Variants in AKIRIN1 observed in about 807,000 individuals in gnomAD.
The protein encoded by AKIRIN1 is akirin 1.
Under a neutral mutation model 25.9 loss-of-function variants are expected in AKIRIN1, and 4 were observed. The observed-to-expected ratio is 0.15, with a 90% CI of 0.08 to 0.35. The LOEUF (loss-of-function observed/expected upper bound fraction) is 0.35. Among genes scored for constraint, AKIRIN1 ranks in the 10% least tolerant of loss-of-function variants. The pLI is 1.00. For missense variants in AKIRIN1, 243 were observed against 266.1 expected, an observed-to-expected ratio of 0.91 and a Z score of 0.61; for synonymous variants, 125 against 105.1, an observed-to-expected ratio of 1.19 and a Z score of -1.16.
chr1:38,992,238 A>G (rs114041894), intron 1 of AKIRIN1, among the ~76,000 whole-genome samples: 3,878 of 152,270 alleles, frequency 0.025, 91 homozygotes, highest in South Asian at 0.047. Flanking sequence ...TGAGAATCCT[A>G]CGACATACGG....
intron 1 of AKIRIN1, among the ~76,000 whole-genome samples, chr1:38,997,184 T>C (rs550229572): frequency 2.0e-5 from 3 of 152,138 alleles, no homozygotes; most frequent in African/African-American, 7.2e-5. Context: ...CAGGTATCTC[T>C]TTTTTTAAAT....
chr1:39,004,502 G>C lies in AKIRIN1; in HGVS notation c.*447G>C, dbSNP rs1487681427. On this transcript the variant is annotated 3_prime_UTR_variant, in exon 5 of 5. Coordinates refer to ENST00000432648, the MANE Select transcript of AKIRIN1 (RefSeq NM_024595.3). ...TGTGAATTTGGTGCACGACAATTATGGTAAAAAAACATTTGCTTGGTCTAA... is the reference window on the plus strand; with the variant it reads ...TGTGAATTTGGTGCACGACAATTATCGTAAAAAAACATTTGCTTGGTCTAA... 7.4e-6 allele frequency: 2 copies of C among 268,862 alleles called. No individual in the cohort carries two copies. Among genetic ancestry groups the C allele is most frequent in the East Asian group, 2.1e-4 (2 of 9,666 alleles). The allele number at this position is 268,862 out of a possible 1,614,324, so 16.7% of individuals were successfully genotyped here.
chr1:39,002,976 G>T (rs575846394), intron 3 of AKIRIN1, among the ~76,000 whole-genome samples: 1 of 152,320 alleles, frequency 6.6e-6, no homozygotes, highest in East Asian at 1.9e-4. Flanking sequence ...CTCAATGTGT[G>T]TTGAAATTTA....
Position 38,998,251 on chromosome 1 carries a change from G to A in AKIRIN1, c.301G>A (p.Glu101Lys), listed in dbSNP as rs1401452798. ...RHLEVVLNQS[E>K]ACASESQPHS... ...TTTAGAAGTTGTTCTTAATCAGAGT[G>A]AAGCTTGTGCTTCGGAAAGTCAACC... The change falls in exon 2 of 5, where the codon GAA becomes AAA. Residue 101 changes from glutamate to lysine, a missense_variant. Glu to Lys is a moderately conservative substitution (Grantham distance 56). Around this residue, in one of 3 missense-constraint regions of AKIRIN1, gnomAD observed 190 missense variants for 174.4 expected, o/e 1.09. Coordinates refer to ENST00000432648, the MANE Select transcript of AKIRIN1 (RefSeq NM_024595.3). 2 of 1,614,040 alleles carry A rather than the reference G, an allele frequency of 1.2e-6. No individual in the cohort carries two copies. The highest frequency in any genetic ancestry group is 2.2e-5 in the South Asian group (2 of 91,062).
chr1:38,996,051 A>C (rs771908532), intron 1 of AKIRIN1, among the ~76,000 whole-genome samples: 1 of 152,116 alleles, frequency 6.6e-6, no homozygotes, highest in Non-Finnish European at 1.5e-5. Context: ...AGTGAGGTGA[A>C]AACTTAATAA....
intron 2 of AKIRIN1, among the ~76,000 whole-genome samples, chr1:39,000,593 G>A (rs1050821620): frequency 6.6e-6 from 1 of 150,848 alleles, no homozygotes; most frequent in Admixed American, 6.6e-5. Flanking sequence ...CAGGTGATCC[G>A]CCCACCTCGA....
At position 38,993,408 on chromosome 1, in the gene AKIRIN1, A is replaced by G. The variant is rs562935521; in HGVS notation, c.220+1808A>G. On this transcript the variant is annotated intron_variant, in intron 1 of 4. Transcript: ENST00000432648. ...TAGCCGGGCGAGGTTGCGTTGAGCCAAGATCGCGCCACTGCACTCCAGCCT... is the reference window on the plus strand; with the variant it reads ...TAGCCGGGCGAGGTTGCGTTGAGCCGAGATCGCGCCACTGCACTCCAGCCT... Among the ~76,000 whole-genome samples the G allele has an allele frequency of 1.8e-4, 28 of 152,062 alleles. No homozygotes were observed. The East Asian group carries it at 4.3e-3, about 23-fold the overall frequency.
rs558210569 is a variant in AKIRIN1, at chr1:39,004,554, T to C, written c.*499T>C. The stretch of plus-strand genomic sequence containing the variant: ...GAAGATCATTAATGTTTTGTGACCA[T>C]ACAAGTTGTAACAGTGGATTGTTTT... On this transcript the variant is annotated 3_prime_UTR_variant, in exon 5 of 5. Transcript: ENST00000432648. 7 of 230,110 alleles carry C rather than the reference T, an allele frequency of 3.0e-5. No individual in the cohort carries two copies. The South Asian group carries it at 3.7e-4, about 12-fold the overall frequency. The allele number at this position is 230,110 out of a possible 1,614,324, so 14.3% of individuals were successfully genotyped here. A position where few individuals can be genotyped will look rare whatever the true frequency, so the allele number is the denominator to read the frequency against.
chr1:38,993,793 G>A (rs1016672359), intron 1 of AKIRIN1, among the ~76,000 whole-genome samples: 3 of 151,794 alleles, frequency 2.0e-5, no homozygotes, highest in African/African-American at 2.4e-5. Flanking sequence ...TTCTAAGGCC[G>A]GGCGCAGTGG....
At chr1:38,993,416 G>A (rs868522041) in intron 1 of AKIRIN1, among the ~76,000 whole-genome samples, 1 of 151,488 alleles carries the variant, frequency 6.6e-6, no homozygotes, top group Middle Eastern at 3.2e-3. Flanking sequence ...CCAAGATCGC[G>A]CCACTGCACT....
rs1644016718 is a variant in AKIRIN1, at chr1:39,004,283, T to C, written c.*228T>C. On this transcript the variant is annotated 3_prime_UTR_variant, in exon 5 of 5. Coordinates refer to ENST00000432648, the MANE Select transcript of AKIRIN1 (RefSeq NM_024595.3). ...AATAAACAGCTGTGCCCTACTGTGA[T>C]AGATTTTCCAAACAAAAATACCTGG... The C allele has an allele frequency of 3.0e-6, 2 of 676,622 alleles. No homozygotes were observed. Among genetic ancestry groups the C allele is most frequent in the Admixed American group, 2.2e-5 (1 of 46,202 alleles). The allele number at this position is 676,622 out of a possible 1,614,324, so 41.9% of individuals were successfully genotyped here. A position where few individuals can be genotyped will look rare whatever the true frequency, so the allele number is the denominator to read the frequency against.
intron 1 of AKIRIN1, among the ~76,000 whole-genome samples, chr1:38,997,183 C>CT (rs537823656): frequency 6.6e-6 from 1 of 151,814 alleles, no homozygotes; most frequent in Non-Finnish European, 1.5e-5. Flanking sequence ...ACAGGTATCT[C>CT]TTTTTTTAAA....
intron 3 of AKIRIN1, among the ~76,000 whole-genome samples, chr1:39,002,424 A>C (rs1212054317): frequency 6.6e-6 from 1 of 152,164 alleles, no homozygotes; most frequent in Non-Finnish European, 1.5e-5. Context: ...TGATCCTTTA[A>C]TATGTATTAT....
intron 3 of AKIRIN1, among the ~76,000 whole-genome samples, chr1:39,001,774 T>A (rs554793474): frequency 6.6e-6 from 1 of 152,290 alleles, no homozygotes; most frequent in South Asian, 2.1e-4. Flanking sequence ...TCCATATCAA[T>A]GAAGGCATTG....
intron 1 of AKIRIN1, among the ~76,000 whole-genome samples, chr1:38,993,359 T>G (rs902135458): frequency 2.6e-5 from 4 of 151,490 alleles, no homozygotes; most frequent in Admixed American, 6.6e-5. Context: ...GCCAACATGG[T>G]GAAAACCCTG....
At chr1:39,003,206 G>A in intron 3 of AKIRIN1, 141 bp from the exon 4 acceptor site, 1 of 757,302 alleles carries the variant, frequency 1.3e-6, no homozygotes, top group Non-Finnish European at 2.2e-6. Context: ...TAAGGTCACT[G>A]GACTTTAATA....
chr1:38,998,458 C>A (rs1643964097), intron 2 of AKIRIN1, 147 bp downstream of exon 2: 3 of 986,218 alleles, frequency 3.0e-6, no homozygotes, highest in Non-Finnish European at 4.2e-6. Context: ...ACTATACAGT[C>A]ATGAAATTGG....
intron 2 of AKIRIN1, among the ~76,000 whole-genome samples, chr1:38,999,195 A>C (rs886443910): frequency 6.6e-6 from 1 of 152,216 alleles, no homozygotes; most frequent in Non-Finnish European, 1.5e-5. Flanking sequence ...CTCCTTTAAC[A>C]GTAGAAGAGT....
intron 3 of AKIRIN1, among the ~76,000 whole-genome samples, chr1:39,001,943 A>G (rs4147761): frequency 0.27 from 41,771 of 152,166 alleles, 7,527 homozygotes; most frequent in Non-Finnish European, 0.39. Flanking sequence ...TGGGAGGAAC[A>G]GTAGAGTAAA....
Sources: gnomAD v4.1 joint callset for allele counts (sites outside exome capture counted in the v4.1 genomes callset) on GRCh38, gnomAD v4.1.1 for gene constraint, gnomAD v4.1.1 regional missense constraint, MANE v1.5 for transcripts, NCBI Gene and HGNC (gene_info 2026-07-23, HGNC 2026-07-21) for gene names.